The following ERBB4 variants were observed in gnomAD, a reference collection of about 807,000 sequenced individuals.
ERBB4 encodes receptor tyrosine-protein kinase erbB-4.
Under a neutral mutation model 158.0 loss-of-function variants are expected in ERBB4, and 42 were observed. The observed-to-expected ratio is 0.27, with a 90% confidence interval of 0.21 to 0.34. ERBB4 has a LOEUF of 0.34. Among genes scored for constraint, ERBB4 ranks in the 10% least tolerant of loss-of-function variants. The pLI, the probability that ERBB4 is intolerant of heterozygous loss-of-function variation, is 1.00. For synonymous variants in ERBB4, 583 were observed against 558.7 expected, an observed-to-expected ratio of 1.04 and a Z score of -0.61; for missense variants, 1,333 against 1,624.1, an observed-to-expected ratio of 0.82 and a Z score of 3.08.
chr2:211,607,963 G>A (rs2069051243), intron 19 of ERBB4, among the ~76,000 whole-genome samples: 1 of 144,408 alleles, frequency 6.9e-6, no homozygotes, highest in Non-Finnish European at 1.5e-5. Context: ...TTGACCTCCA[G>A]GGCTCAACCA....
chr2:211,829,969 G>A (rs1375274587), intron 3 of ERBB4, among the ~76,000 whole-genome samples: 1 of 152,132 alleles, frequency 6.6e-6, no homozygotes, highest in Non-Finnish European at 1.5e-5. Context: ...TACTTGGAGT[G>A]AATATAACCC....
At chr2:212,147,081 C>T (rs1476232146) in intron 1 of ERBB4, among the ~76,000 whole-genome samples, 1 of 141,034 alleles carries the variant, frequency 7.1e-6, no homozygotes, top group East Asian at 2.0e-4. Flanking sequence ...GCCTCCATCT[C>T]CGGGGTTCAA....
At chr2:211,476,938 G>T (rs1441984665) in intron 20 of ERBB4, among the ~76,000 whole-genome samples, 2 of 151,984 alleles carry the variant, frequency 1.3e-5, no homozygotes, top group African/African-American at 2.4e-5. Context: ...GTGCAGGGAG[G>T]GATAAACCTA....
intron 19 of ERBB4, among the ~76,000 whole-genome samples, chr2:211,576,477 A>G (rs925760608): frequency 6.6e-6 from 1 of 152,134 alleles, no homozygotes; most frequent in African/African-American, 2.4e-5. Flanking sequence ...AGCAACTTCA[A>G]ACAGTAGTGC....
At chr2:212,170,375 T>G (rs1575741233) in intron 1 of ERBB4, among the ~76,000 whole-genome samples, 1 of 152,096 alleles carries the variant, frequency 6.6e-6, no homozygotes, top group African/African-American at 2.4e-5. Flanking sequence ...AAGCAGAGTA[T>G]AAAAGTTTGG....
At chr2:212,399,953 T>C (rs2091154217) in intron 1 of ERBB4, among the ~76,000 whole-genome samples, 1 of 151,800 alleles carries the variant, frequency 6.6e-6, no homozygotes, top group Non-Finnish European at 1.5e-5. Context: ...AAGTTCAGAG[T>C]GCTTTGAGAG....
At chr2:212,472,344 T>C (rs1689156051) in intron 1 of ERBB4, among the ~76,000 whole-genome samples, 1 of 151,958 alleles carries the variant, frequency 6.6e-6, no homozygotes, top group South Asian at 2.1e-4. Flanking sequence ...AAATAGAGGC[T>C]CAAGAAATGT....
chr2:212,199,778 TA>T (rs77710177), intron 1 of ERBB4, among the ~76,000 whole-genome samples: 1 of 151,920 alleles, frequency 6.6e-6, no homozygotes, highest in African/African-American at 2.4e-5. Flanking sequence ...AGCTCATATT[TA>T]AAAAAAAAAT....
chr2:211,882,632 A>C (rs2106154656), intron 3 of ERBB4, among the ~76,000 whole-genome samples: 1 of 152,342 alleles, frequency 6.6e-6, no homozygotes, highest in African/African-American at 2.4e-5. Flanking sequence ...ATGATACCTT[A>C]ATGCTAACAC....
At chr2:211,978,345 G>T (rs906630423) in intron 2 of ERBB4, among the ~76,000 whole-genome samples, 2 of 151,340 alleles carry the variant, frequency 1.3e-5, no homozygotes, top group African/African-American at 4.9e-5. Context: ...GGTGGAGCCA[G>T]AAAGTGAAAG....
chr2:211,655,734 C>T (rs1399220725), intron 16 of ERBB4, among the ~76,000 whole-genome samples: 3 of 152,124 alleles, frequency 2.0e-5, no homozygotes, highest in Non-Finnish European at 4.4e-5. Flanking sequence ...CTAAGATGAA[C>T]CCTGGCTTAT....
intron 4 of ERBB4, among the ~76,000 whole-genome samples, chr2:211,754,331 C>T (rs1409648336): frequency 1.3e-5 from 2 of 151,930 alleles, no homozygotes; most frequent in African/African-American, 2.4e-5. Flanking sequence ...GGGGTTTTGC[C>T]AATGCTGTCC....
chr2:211,486,583 A>G (rs898235594), intron 20 of ERBB4, among the ~76,000 whole-genome samples: 28 of 152,224 alleles, frequency 1.8e-4, no homozygotes, highest in African/African-American at 6.7e-4. Flanking sequence ...GATACGTAAC[A>G]GGTGATGGGT....
At chr2:212,362,789 C>A (rs1373144210) in intron 1 of ERBB4, among the ~76,000 whole-genome samples, 1 of 151,038 alleles carries the variant, frequency 6.6e-6, no homozygotes, top group South Asian at 2.1e-4. Flanking sequence ...AACACATATA[C>A]AATTGTATAC....
intron 3 of ERBB4, among the ~76,000 whole-genome samples, chr2:211,912,322 G>T (rs910140316): frequency 6.6e-6 from 1 of 152,024 alleles, no homozygotes; most frequent in Non-Finnish European, 1.5e-5. Context: ...CAGCTTCATG[G>T]CTTTAATTTG....
At position 212,112,608 on chromosome 2, in the gene ERBB4, G is replaced by C. The variant is rs181934281; in HGVS notation, c.234+12144C>G. Among the ~76,000 whole-genome samples, 5 of 152,228 alleles carry C rather than the reference G, an allele frequency of 3.3e-5. 1 individual carries two copies. In the East Asian group the frequency reaches 9.6e-4, roughly 29 times the overall value. ...AGAACTGGTTTAAAATGCTCACTTT[G>C]CCCATTAGCTCTGTGGTCCCGAGAA... is the stretch of plus-strand genomic sequence containing the variant. On this transcript the variant is annotated intron_variant, in intron 2 of 27. Coordinates refer to ENST00000342788, the MANE Select transcript of ERBB4 (RefSeq NM_005235.3).
At chr2:211,569,614 C>T (rs922371973) in intron 19 of ERBB4, among the ~76,000 whole-genome samples, 9 of 152,098 alleles carry the variant, frequency 5.9e-5, no homozygotes, top group African/African-American at 2.2e-4. Flanking sequence ...GGAAATGTGT[C>T]CTGAGATCAG....
At chr2:211,550,022 G>A (rs899317808) in intron 20 of ERBB4, among the ~76,000 whole-genome samples, 8 of 152,140 alleles carry the variant, frequency 5.3e-5, no homozygotes, top group African/African-American at 1.9e-4. Context: ...CAGCTTTATT[G>A]GGGTATGATT....
chr2:212,407,177 T>C (rs2091371400), intron 1 of ERBB4, among the ~76,000 whole-genome samples: 1 of 151,304 alleles, frequency 6.6e-6, no homozygotes, highest in Admixed American at 6.6e-5. Flanking sequence ...CTATATGATA[T>C]AACACATATA....
Sources: allele counts gnomAD v4.1 joint callset (sites outside exome capture counted in the v4.1 genomes callset), GRCh38; gene constraint gnomAD v4.1.1; transcripts MANE v1.5; gene names NCBI Gene and HGNC (gene_info 2026-07-23, HGNC 2026-07-21).